PUDP: variants seen among roughly 807,000 people sequenced by gnomAD.
PUDP encodes the protein pseudouridine-5'-phosphatase.
In PUDP, 8 loss-of-function variants were observed where a neutral mutation model predicts 9.4. That is an observed-to-expected ratio of 0.85 (90% CI 0.50 to 1.53). The LOEUF is 1.53. Ranked by LOEUF, PUDP falls within the 40% of genes most tolerant of loss-of-function variation. The probability of loss-of-function intolerance (pLI) is 0.00; values close to 1 mark genes in which losing one functional copy is unlikely to be tolerated. For synonymous variants in PUDP, 99 were observed against 80.7 expected, an observed-to-expected ratio of 1.23 and a Z score of -1.22; for missense variants, 188 against 189.7, an observed-to-expected ratio of 0.99 and a Z score of 0.05.
chrX:6,845,777 T>G (rs1926736724), intron 3 of PUDP, among the ~76,000 whole-genome samples: 1 of 112,202 alleles, frequency 8.9e-6, no homozygotes, highest in Non-Finnish European at 1.9e-5. Flanking sequence ...CTAGAAATAT[T>G]CAGCCCCTTA....
At chrX:6,831,196 C>CA in intron 3 of PUDP, among the ~76,000 whole-genome samples, 1 of 111,798 alleles carries the variant, frequency 8.9e-6, no homozygotes, top group African/African-American at 3.2e-5. Context: ...GCAGGGTCTG[C>CA]AAAATATCTC....
At chrX:7,041,146 A>G (rs1929916962) in intron 1 of PUDP, among the ~76,000 whole-genome samples, 1 of 111,561 alleles carries the variant, frequency 9.0e-6, no homozygotes. Flanking sequence ...ACGTCTCACA[A>G]TGTCACCCTG....
At chrX:6,776,396 C>CA (rs1925462792) in intron 3 of PUDP, among the ~76,000 whole-genome samples, 1 of 110,571 alleles carries the variant, frequency 9.0e-6, no homozygotes, top group Non-Finnish European at 1.9e-5. Context: ...GCCAGGCATG[C>CA]AGTGGGAGCC....
intron 3 of PUDP, among the ~76,000 whole-genome samples, chrX:6,765,138 G>A (rs1368726308): frequency 3.6e-5 from 4 of 110,192 alleles, no homozygotes; most frequent in Non-Finnish European, 7.6e-5. Context: ...AAATTATCTG[G>A]GTGTGGTAGT....
chrX:6,825,028 T>A (rs1321793153), intron 3 of PUDP, among the ~76,000 whole-genome samples: 1 of 111,602 alleles, frequency 9.0e-6, no homozygotes, highest in East Asian at 2.8e-4. Flanking sequence ...CCACCAAGTC[T>A]ATGGGATTCT....
At position 6,925,971 on chromosome X, in the gene PUDP, T is replaced by A. The variant is rs1348188744; in HGVS notation, c.*247+51162A>T. On this transcript the variant is annotated intron_variant and NMD_transcript_variant, in intron 3 of 3. Coordinates refer to the PUDP transcript ENST00000655425. Reference sequence around the variant, plus strand: ...GTATCTTATTGCCACAAAGAGTCTGTTTTGTCAGTCTTATGATCTGTATTT... The same window carrying A: ...GTATCTTATTGCCACAAAGAGTCTGATTTGTCAGTCTTATGATCTGTATTT... Among the ~76,000 whole-genome samples the A allele has an allele frequency of 2.7e-5, 3 of 111,488 alleles. No homozygotes were observed. In the East Asian group the frequency reaches 8.5e-4, roughly 31 times the overall value.
intron 3 of PUDP, among the ~76,000 whole-genome samples, chrX:6,950,106 G>C (rs1429639686): frequency 9.1e-6 from 1 of 110,354 alleles, no homozygotes; most frequent in Non-Finnish European, 1.9e-5. Context: ...GGGAGGTTGA[G>C]GCAGGCAGAT....
At chrX:6,990,769 G>A (rs1274687361) in intron 1 of PUDP, among the ~76,000 whole-genome samples, 2 of 112,616 alleles carry the variant, frequency 1.8e-5, no homozygotes, top group African/African-American at 6.5e-5. Flanking sequence ...TTGAAGGAAC[G>A]AAGTCAGAAA....
intron 3 of PUDP, among the ~76,000 whole-genome samples, chrX:6,873,332 C>T (rs753041416): frequency 1.8e-5 from 2 of 111,769 alleles, no homozygotes; most frequent in South Asian, 3.8e-4. Flanking sequence ...AAGACAAATG[C>T]CAATAACATA....
At chrX:7,100,804 T>C (rs1332439852) in intron 2 of PUDP, among the ~76,000 whole-genome samples, 1 of 112,247 alleles carries the variant, frequency 8.9e-6, no homozygotes, top group Non-Finnish European at 1.9e-5. Context: ...GGTATAATAT[T>C]GAGCAGAAAC....
intron 3 of PUDP, among the ~76,000 whole-genome samples, chrX:6,871,054 C>T (rs1046382543): frequency 1.8e-5 from 2 of 112,028 alleles, no homozygotes; most frequent in Non-Finnish European, 3.8e-5. Flanking sequence ...CCAAGCTGGT[C>T]TCAAACTTCT....
intron 1 of PUDP, among the ~76,000 whole-genome samples, chrX:6,999,231 G>C (rs770711944): frequency 8.1e-5 from 9 of 111,257 alleles, no homozygotes; most frequent in Admixed American, 9.6e-5. Flanking sequence ...TAAGTCCATG[G>C]GAGCAGGGCG....
intron 3 of PUDP, among the ~76,000 whole-genome samples, chrX:6,948,602 C>T (rs750078243): frequency 4.7e-4 from 53 of 112,009 alleles, no homozygotes; most frequent in African/African-American, 1.6e-3. Flanking sequence ...GTGAAGCCCA[C>T]GCTATTGGTC....
intron 3 of PUDP, among the ~76,000 whole-genome samples, chrX:7,066,223 C>T (rs1257929250): frequency 1.8e-5 from 2 of 111,387 alleles, no homozygotes; most frequent in African/African-American, 6.5e-5. Flanking sequence ...ATGAAATGCC[C>T]CGAGTAGGGT....
intron 2 of PUDP, among the ~76,000 whole-genome samples, chrX:7,096,039 C>T (rs1464714094): frequency 8.9e-6 from 1 of 112,202 alleles, no homozygotes; most frequent in Admixed American, 9.4e-5. Flanking sequence ...ATCATGTTAG[C>T]ACTGCATGGA....
intron 3 of PUDP, among the ~76,000 whole-genome samples, chrX:6,877,639 C>T (rs12687904): frequency 0.093 from 10,353 of 111,483 alleles, 607 homozygotes; most frequent in East Asian, 0.46. Context: ...ATAAGCAATA[C>T]CCACAGGCAT....
At chrX:6,991,281 C>T (rs187080189) in intron 1 of PUDP, among the ~76,000 whole-genome samples, 21 of 111,086 alleles carry the variant, frequency 1.9e-4, no homozygotes, top group African/African-American at 6.9e-4. Flanking sequence ...TTTTTTCTTG[C>T]CCACTCAGCA....
intron 1 of PUDP, among the ~76,000 whole-genome samples, chrX:6,989,051 C>T (rs1043110242): frequency 2.7e-5 from 3 of 111,667 alleles, no homozygotes; most frequent in Non-Finnish European, 5.6e-5. Context: ...AATGTCGCTT[C>T]TTCAAATGAA....
chrX:6,832,983 G>GACACACACACACACACACACACACACAC (rs1184547351), intron 3 of PUDP, among the ~76,000 whole-genome samples: 1 of 88,923 alleles, frequency 1.1e-5, no homozygotes, highest in African/African-American at 4.8e-5. Flanking sequence ...CTCTCTCTCT[G>GACACACACACACACACACACACACACAC]ACATACACAC....
Sources: gnomAD v4.1 joint callset for allele counts (sites outside exome capture counted in the v4.1 genomes callset) on GRCh38, gnomAD v4.1.1 for gene constraint, MANE v1.5 for transcripts, NCBI Gene and HGNC (gene_info 2026-07-23, HGNC 2026-07-21) for gene names.